Variants in HEATR3 observed in about 807,000 individuals in gnomAD.
The protein encoded by HEATR3 is HEAT repeat-containing protein 3.
Under a neutral mutation model 72.8 loss-of-function variants are expected in HEATR3, and 56 were observed. The observed-to-expected ratio is 0.77, with a 90% CI of 0.62 to 0.96. The LOEUF (loss-of-function observed/expected upper bound fraction) is 0.96. Ranked by LOEUF, HEATR3 falls within the 40% of genes least tolerant of loss-of-function variation. HEATR3 has a pLI of 0.00. For missense variants in HEATR3, 747 were observed against 831.4 expected, an observed-to-expected ratio of 0.90 and a Z score of 1.25; for synonymous variants, 331 against 318.1, an observed-to-expected ratio of 1.04 and a Z score of -0.43.
intron 1 of HEATR3, 21 bp downstream of exon 1, chr16:50,066,290 GGCCGGGAGGC>G (rs962740433): frequency 6.3e-6 from 10 of 1,576,992 alleles, no homozygotes; most frequent in Middle Eastern, 1.7e-4. Flanking sequence ...GGCTCCGTCG[GGCCGGGAGGC>G]GAGACGAGGT....
intron 5 of HEATR3, 160 bp downstream of exon 5, chr16:50,072,874 T>G (rs2150598038): frequency 1.7e-6 from 1 of 587,538 alleles, no homozygotes. Context: ...AATCTGTGAT[T>G]AATATTAATT....
At chr16:50,101,897 T>C (rs913422500) in intron 13 of HEATR3, among the ~76,000 whole-genome samples, 4 of 131,086 alleles carry the variant, frequency 3.1e-5, no homozygotes, top group Admixed American at 8.6e-5. Context: ...GTTTTTCTTA[T>C]GCTTTTAAAA....
At chr16:50,097,992 A>C (rs1367070568) in intron 12 of HEATR3, among the ~76,000 whole-genome samples, 1 of 151,982 alleles carries the variant, frequency 6.6e-6, no homozygotes, top group African/African-American at 2.4e-5. Flanking sequence ...TAGTGGGGAA[A>C]GTGAATTGTG....
intron 6 of HEATR3, among the ~76,000 whole-genome samples, chr16:50,077,371 T>C (rs888724881): frequency 6.7e-6 from 1 of 149,806 alleles, no homozygotes; most frequent in Non-Finnish European, 1.5e-5. Context: ...CCTAGGCTGG[T>C]GTCAAACTCC....
rs913399463 is a variant in HEATR3, at chr16:50,102,547, T to C, written c.1920+112T>C. On this transcript the variant is annotated intron_variant, in intron 14 of 14. Transcript: ENST00000299192. ...AGCATGTGCATGACGAATCCCCATA[T>C]GTAGCACAGCATCCCCAGTACTTTG... The C allele has an allele frequency of 1.2e-5, 10 of 839,586 alleles. No individual in the cohort carries two copies. The African/African-American group carries it at 1.7e-4, about 14-fold the overall frequency. 52.0% of individuals were successfully genotyped at this position (839,586 alleles called of 1,614,324 possible).
intron 5 of HEATR3, among the ~76,000 whole-genome samples, chr16:50,075,189 T>C (rs9939688): frequency 0.68 from 103,494 of 151,404 alleles, 35,668 homozygotes; most frequent in South Asian, 0.72. Flanking sequence ...TCATGGCGCA[T>C]ACCTTTAATT....
chr16:50,097,398 A>AT (rs769882022), intron 12 of HEATR3, among the ~76,000 whole-genome samples: 4,325 of 100,694 alleles, frequency 0.043, 81 homozygotes, highest in Non-Finnish European at 0.063. Context: ...GTGACCAGTG[A>AT]TTTTTTTTTT....
At chr16:50,089,528 C>T (rs1405691535) in intron 11 of HEATR3, among the ~76,000 whole-genome samples, 1 of 152,086 alleles carries the variant, frequency 6.6e-6, no homozygotes, top group African/African-American at 2.4e-5. Flanking sequence ...TTCGTATCAC[C>T]TAATATTGGC....
In HEATR3 at chr16:50,094,711, C is replaced by A; in HGVS notation, c.1517C>A (p.Ala506Asp). ...SQLLFSQPDF[A>D]KHVDFLEAIS... ...TTTCATTTTTGTGTTTTAGATTTTG[C>A]TAAACATGTTGACTTTCTAGAAGCC... Residue 506 changes from alanine to aspartate, a missense_variant, in exon 12 of 15, where the codon GCT (alanine) becomes GAT (aspartate). By Grantham distance (126) the Ala-to-Asp change is moderately radical (BLOSUM62 -2). This residue lies in a region of HEATR3 where 586 missense variants were observed against 708.8 expected (regional missense o/e 0.83). Coordinates refer to ENST00000299192, the MANE Select transcript of HEATR3 (RefSeq NM_182922.4). 6.4e-7 allele frequency: 1 copy of A among 1,553,410 alleles called. No homozygotes were observed. The highest frequency in any genetic ancestry group is 1.4e-5 in the African/African-American group (1 of 72,178).
intron 6 of HEATR3, among the ~76,000 whole-genome samples, chr16:50,076,414 G>A (rs771103311): frequency 2.0e-5 from 3 of 151,934 alleles, no homozygotes; most frequent in East Asian, 3.9e-4. Flanking sequence ...TCTTGAGCTC[G>A]GGACCTCAGG....
chr16:50,072,926 G>A (rs2036645056), intron 5 of HEATR3: 3 of 485,018 alleles, frequency 6.2e-6, no homozygotes, highest in Admixed American at 7.7e-5. Context: ...GACTCTGAAA[G>A]GGAGAAAGGT....
chr16:50,079,028 G>T lies in HEATR3; in HGVS notation c.1041+10G>T, dbSNP rs1472900671. 1 of 1,605,050 alleles carries T rather than the reference G, an allele frequency of 6.2e-7. No individual in the cohort carries two copies. The highest frequency in any genetic ancestry group is 1.4e-5 in the African/African-American group (1 of 73,690). ...TTCAGATTTACTTCCGGTAAGTCAG[G>T]TTGCTGTTCTCAAATATGGATTAAT... is the stretch of plus-strand genomic sequence containing the variant. On this transcript the variant is annotated intron_variant, in intron 7 of 14. Transcript: ENST00000299192.
chr16:50,070,302 A>G lies in HEATR3; in HGVS notation c.512+12A>G, dbSNP rs771332424. 1 of 1,341,050 alleles carries G rather than the reference A, an allele frequency of 7.5e-7. No homozygotes were observed. Among genetic ancestry groups the G allele is most frequent in the South Asian group, 1.2e-5 (1 of 83,548 alleles). 83.1% of individuals were successfully genotyped at this position (1,341,050 alleles called of 1,614,324 possible). On this transcript the variant is annotated intron_variant, in intron 4 of 14. Transcript: ENST00000299192. ...CTGTGGAATATATGGTAAGATGCCT[A>G]CCAAACACAGTCTCCTGCTATAGCA...
Position 50,070,192 on chromosome 16 carries a change from G to A in HEATR3, c.414G>A (p.Leu138=). The A allele has an allele frequency of 6.3e-7, 1 of 1,592,234 alleles. No homozygotes were observed. The highest frequency in any genetic ancestry group is 8.6e-7 in the Non-Finnish European group (1 of 1,163,514). The stretch of plus-strand genomic sequence containing the variant: ...TTTGGTTACAGTGTAGTGCTGGACT[G>A]GATTCAAATGAGATGTCTCTGCAGG... ...VALLKECSAG[L]DSNEMSLQEK... The change falls in exon 4 of 15, where the codon CTG becomes CTA. Residue 138 remains leucine, a synonymous_variant. Coordinates refer to ENST00000299192, the MANE Select transcript of HEATR3 (RefSeq NM_182922.4).
rs537306791 is a variant in HEATR3 at position 50,078,023 on chromosome 16, C to T, written c.764-718C>T. 1.4e-3 allele frequency among the ~76,000 whole-genome samples: 213 copies of T among 151,714 alleles called. 1 individual carries two copies. The highest frequency in any genetic ancestry group is 4.9e-3 in the African/African-American group (201 of 41,364). ...TCCCAAGTAGCTGGGATTACAAGCG[C>T]CCACCACCACGCCTGGCTGATTTTT... On this transcript the variant is annotated intron_variant, in intron 6 of 14. Transcript: ENST00000299192.
At chr16:50,068,122 A>T (rs2036538235) in intron 2 of HEATR3, among the ~76,000 whole-genome samples, 1 of 152,130 alleles carries the variant, frequency 6.6e-6, no homozygotes, top group South Asian at 2.1e-4. Flanking sequence ...CTCCCACAGC[A>T]TACAGAGGCT....
rs942295647 is a variant in HEATR3 at position 50,066,001 on chromosome 16, G to T, written c.-131G>T. 6.9e-5 allele frequency: 48 copies of T among 699,722 alleles called. No individual in the cohort carries two copies. Among genetic ancestry groups the T allele is most frequent in the Non-Finnish European group, 9.6e-5 (47 of 490,364 alleles). The allele number at this position is 699,722 out of a possible 1,614,324, so 43.3% of individuals were successfully genotyped here. A position where few individuals can be genotyped will look rare whatever the true frequency, so the allele number is the denominator to read the frequency against. ...CGCGCCGTGCGCCTGCGCACGGCTTGCCCATGTGTGCTGCAGCCGTCAGCC... is the reference window on the plus strand; with the variant it reads ...CGCGCCGTGCGCCTGCGCACGGCTTTCCCATGTGTGCTGCAGCCGTCAGCC... On this transcript the variant is annotated 5_prime_UTR_variant, in exon 1 of 15. Transcript: ENST00000299192.
chr16:50,095,308 G>A (rs1247871137), intron 12 of HEATR3, among the ~76,000 whole-genome samples: 5 of 151,344 alleles, frequency 3.3e-5, no homozygotes, highest in African/African-American at 4.9e-5. Flanking sequence ...GGGTTTTGCC[G>A]TGTGGCCAGG....
intron 6 of HEATR3, among the ~76,000 whole-genome samples, chr16:50,078,162 C>T (rs1400234118): frequency 1.3e-5 from 2 of 152,110 alleles, no homozygotes; most frequent in African/African-American, 4.8e-5. Context: ...CAGGGTGAGA[C>T]ACTGCACCTG....
Sources: allele counts gnomAD v4.1 joint callset (sites outside exome capture counted in the v4.1 genomes callset), GRCh38; gene constraint gnomAD v4.1.1; regional missense constraint gnomAD v4.1.1; transcripts MANE v1.5; gene names NCBI Gene and HGNC (gene_info 2026-07-23, HGNC 2026-07-21).